Variants in TRIOBP observed in about 807,000 individuals in gnomAD.
TRIOBP encodes TRIO and F-actin-binding protein.
In TRIOBP, 169 loss-of-function variants were observed where a neutral mutation model predicts 238.8. The ratio of observed to expected loss-of-function variants is 0.71; its 90% CI spans 0.62 to 0.80. The LOEUF is 0.80. Ranked by LOEUF, TRIOBP falls within the 30% of genes least tolerant of loss-of-function variation. The probability of loss-of-function intolerance (pLI) is 0.00; values close to 1 mark genes in which losing one functional copy is unlikely to be tolerated. For synonymous variants in TRIOBP, 1,150 were observed against 1,274.4 expected (o/e 0.90, Z 2.08); for missense variants, 2,838 against 3,122.6 (o/e 0.91, Z 2.17).
intron 2 of TRIOBP, among the ~76,000 whole-genome samples, chr22:37,699,575 CTT>C (rs71654183): frequency 0.056 from 8,481 of 152,130 alleles, 750 homozygotes; most frequent in African/African-American, 0.19. Flanking sequence ...GAGTCTCACT[CTT>C]ATCACCCAGG....
chr22:37,766,184 G>A (rs1176663587), intron 18 of TRIOBP, among the ~76,000 whole-genome samples: 1 of 152,196 alleles, frequency 6.6e-6, no homozygotes, highest in African/African-American at 2.4e-5. Flanking sequence ...TCCTCCCTGG[G>A]CACATGGGCC....
chr22:37,771,143 G>T (rs1238291184), intron 21 of TRIOBP, among the ~76,000 whole-genome samples: 1 of 152,208 alleles, frequency 6.6e-6, no homozygotes, highest in Non-Finnish European at 1.5e-5. Flanking sequence ...TGAGGCACAG[G>T]AAGGTCAAGT....
chr22:37,739,881 GGGCCC>G (rs1475792359), intron 10 of TRIOBP, among the ~76,000 whole-genome samples: 2 of 152,192 alleles, frequency 1.3e-5, no homozygotes, highest in African/African-American at 4.8e-5. Context: ...TCCATGAAAC[GGGCCC>G]GGCCCATCAA....
intron 11 of TRIOBP, among the ~76,000 whole-genome samples, chr22:37,746,044 C>CCCCGCCGTCCCACCGT (rs1925222317): frequency 1.5e-5 from 2 of 134,548 alleles, no homozygotes; most frequent in Non-Finnish European, 3.2e-5. Context: ...CATCCGCCCA[C>CCCCGCCGTCCCACCGT]CCCGCCGTCC....
In TRIOBP at chr22:37,729,455, A is replaced by G. The variant is rs373141713; in HGVS notation, c.3947+2952A>G. 7.2e-5 allele frequency among the ~76,000 whole-genome samples: 11 copies of G among 152,246 alleles called. No homozygotes were observed. In the East Asian group the frequency reaches 1.2e-3, roughly 16 times the overall value. On this transcript the variant is annotated intron_variant, in intron 7 of 23. Transcript: ENST00000644935. ...GGTCTCAAACTCCTGGCCTCAAGCAATGCTCCCACCTTGGCCTCCCAAAGT... is the reference window on the plus strand; with the variant it reads ...GGTCTCAAACTCCTGGCCTCAAGCAGTGCTCCCACCTTGGCCTCCCAAAGT...
chr22:37,727,326 A>C (rs1924223161), intron 7 of TRIOBP, among the ~76,000 whole-genome samples: 1 of 152,062 alleles, frequency 6.6e-6, no homozygotes, highest in Admixed American at 6.6e-5. Context: ...TTGGCAAAGA[A>C]AACTCATGGG....
At chr22:37,772,420 T>C (rs1926829040) in intron 22 of TRIOBP, among the ~76,000 whole-genome samples, 181 bp from the exon 23 acceptor site, 1 of 152,124 alleles carries the variant, frequency 6.6e-6, no homozygotes, top group Non-Finnish European at 1.5e-5. Context: ...CCTGTGTCCC[T>C]GGGTGGTACC....
intron 10 of TRIOBP, among the ~76,000 whole-genome samples, chr22:37,740,408 A>G (rs907624206): frequency 6.6e-6 from 1 of 152,206 alleles, no homozygotes; most frequent in Non-Finnish European, 1.5e-5. Flanking sequence ...CCTGAAGGCC[A>G]GGCAGGTAAC....
In TRIOBP at chr22:37,715,606, G is replaced by C. The variant is rs142817168; in HGVS notation, c.457-157G>C. ...GATCCACCCACCTCGTCCTCCCAAA[G>C]TGCTGGGATTGCAGGCGTGAGCCAC... is the stretch of plus-strand genomic sequence containing the variant. On this transcript the variant is annotated intron_variant, in intron 5 of 23. Coordinates refer to ENST00000644935, the MANE Select transcript of TRIOBP (RefSeq NM_001039141.3). 1.4e-3 allele frequency among the ~76,000 whole-genome samples: 207 copies of C among 152,282 alleles called. 7 individuals carry two copies. The East Asian group carries it at 0.037, about 27-fold the overall frequency.
Position 37,742,257 on chromosome 22 carries a change from G to GT in TRIOBP, c.5322+1244dup, listed in dbSNP as rs762341330. 1.0e-2 allele frequency among the ~76,000 whole-genome samples: 1,023 copies of GT among 102,756 alleles called. 16 individuals carry two copies. The highest frequency in any genetic ancestry group is 0.03 in the African/African-American group (732 of 24,480). 67.4% of individuals were successfully genotyped at this position (102,756 alleles called of 152,430 possible). On this transcript the variant is annotated intron_variant, in intron 11 of 23. Transcript: ENST00000644935. ...ATTGGTGTGAGCCACCACGCCAGGC[G>GT]TTTTTTTTTTTTTTTTTTTAAATTA... is the stretch of plus-strand genomic sequence containing the variant.
Position 37,715,795 on chromosome 22 carries a change from GGCCCCCA to G in TRIOBP, c.492_498del (p.Pro165GlyfsTer6). ...ACACTGTTGAGAGGCAGGAGGAGGA[GGCCCCCA>G]GCTGGGACGAGCTCGCAGTGATGAT... On this transcript the variant is annotated frameshift_variant, in exon 6 of 24. Coordinates refer to ENST00000644935, the MANE Select transcript of TRIOBP (RefSeq NM_001039141.3). LOFTEE classifies it high-confidence loss of function. 1 of 1,614,062 alleles carries G rather than the reference GGCCCCCA, an allele frequency of 6.2e-7. No individual in the cohort carries two copies. Among genetic ancestry groups the G allele is most frequent in the Non-Finnish European group, 8.5e-7 (1 of 1,180,002 alleles).
intron 22 of TRIOBP, among the ~76,000 whole-genome samples, chr22:37,772,380 C>G (rs1926825546): frequency 6.6e-6 from 1 of 152,154 alleles, no homozygotes. Context: ...AAATCTTCTC[C>G]CCCGAAACAG....
At chr22:37,738,984 T>C (rs1924811090) in intron 10 of TRIOBP, among the ~76,000 whole-genome samples, 1 of 152,048 alleles carries the variant, frequency 6.6e-6, no homozygotes, top group Non-Finnish European at 1.5e-5. Context: ...AAGGTCAATG[T>C]CTTTCCCTGC....
Position 37,725,352 on chromosome 22 carries a change from T to C in TRIOBP, c.2796T>C (p.Val932=), listed in dbSNP as rs767763071. ...SSPSRSKQSE[V]PWASIALRPT... ...CATCTCGCTCCAAGCAAAGCGAGGT[T>C]CCCTGGGCATCCATCGCCCTCCGGC... Residue 932 remains valine (V), a synonymous_variant, in exon 7 of 24, where the codon GTT becomes GTC. Coordinates refer to ENST00000644935, the MANE Select transcript of TRIOBP (RefSeq NM_001039141.3). 1.9e-6 allele frequency: 3 copies of C among 1,612,978 alleles called. No individual in the cohort carries two copies. The highest frequency in any genetic ancestry group is 1.1e-5 in the South Asian group (1 of 91,052).
At position 37,726,308 on chromosome 22, in the gene TRIOBP, G is replaced by T. The variant is rs1217431143; in HGVS notation, c.3752G>T (p.Gly1251Val). The change falls in exon 7 of 24, where the codon GGC becomes GTC. Residue 1251 changes from glycine to valine, a missense_variant. Coordinates refer to ENST00000644935, the MANE Select transcript of TRIOBP (RefSeq NM_001039141.3). ...TCACCTTCACCGGGCAGCTCTGGGG[G>T]CTCCCGGGGCTCAGCGCCTCCCGGG... ...APSPSPGSSG[G>V]SRGSAPPGET... 1.2e-6 allele frequency: 2 copies of T among 1,612,722 alleles called. No individual in the cohort carries two copies. The highest frequency in any genetic ancestry group is 1.7e-6 in the Non-Finnish European group (2 of 1,179,886).
chr22:37,772,423 G>A (rs944085290), intron 22 of TRIOBP, among the ~76,000 whole-genome samples, 178 bp from the exon 23 acceptor site: 2 of 152,118 alleles, frequency 1.3e-5, no homozygotes, highest in African/African-American at 4.8e-5. Flanking sequence ...GTGTCCCTGG[G>A]TGGTACCAGG....
chr22:37,756,189 A>T (rs1185383428), intron 15 of TRIOBP, among the ~76,000 whole-genome samples: 1 of 152,136 alleles, frequency 6.6e-6, no homozygotes, highest in Admixed American at 6.5e-5. Flanking sequence ...GGCTGGGTGT[A>T]GTGGCTCACA....
chr22:37,744,184 AT>A (rs1925102359), intron 11 of TRIOBP, among the ~76,000 whole-genome samples: 1 of 151,134 alleles, frequency 6.6e-6, no homozygotes, highest in South Asian at 2.1e-4. Flanking sequence ...AATTTTTTGT[AT>A]TTTTACCAGA....
At chr22:37,739,851 GC>G (rs35119848) in intron 10 of TRIOBP, among the ~76,000 whole-genome samples, 1 of 152,324 alleles carries the variant, frequency 6.6e-6, no homozygotes, top group African/African-American at 2.4e-5. Flanking sequence ...AAACAGCAAT[GC>G]CGGGGTGCCC....
Sources: allele counts gnomAD v4.1 joint callset (sites outside exome capture counted in the v4.1 genomes callset), GRCh38; gene constraint gnomAD v4.1.1; transcripts MANE v1.5; gene names NCBI Gene and HGNC (gene_info 2026-07-23, HGNC 2026-07-21).